The following FBLN2 variants were observed in gnomAD, a reference collection of about 807,000 sequenced individuals.
FBLN2 encodes fibulin 2, also known as fibulin-2.
In FBLN2, 81 loss-of-function variants were observed where a neutral mutation model predicts 123.7. The observed-to-expected ratio is 0.65, with a 90% CI of 0.55 to 0.79. The LOEUF (loss-of-function observed/expected upper bound fraction) is 0.79, where lower values mean the gene tolerates loss of function less well. Among genes scored for constraint, FBLN2 ranks in the 30% least tolerant of loss-of-function variants. FBLN2 has a pLI of 0.00. For missense variants in FBLN2, 1,603 were observed against 1,681.3 expected, an observed-to-expected ratio of 0.95 and a Z score of 0.81; for synonymous variants, 699 against 701.4, an observed-to-expected ratio of 1.00 and a Z score of 0.05.
chr3:13,563,162 G>T (rs1403110967), intron 1 of FBLN2, among the ~76,000 whole-genome samples: 1 of 152,176 alleles, frequency 6.6e-6, no homozygotes, highest in African/African-American at 2.4e-5. Flanking sequence ...ATAAATTAAG[G>T]GTAGATTTTT....
rs776129342 is a variant in FBLN2 at position 13,637,801 on chromosome 3, G to T, written c.3578G>T (p.Arg1193Leu). The T allele has an allele frequency of 1.9e-6, 3 of 1,613,842 alleles. No homozygotes were observed. The highest frequency in any genetic ancestry group is 3.3e-5 in the Admixed American group (2 of 60,022). Residue 1193 changes from arginine to leucine, a missense_variant, in exon 18 of 18, where the codon CGG (arginine) becomes CTG (leucine). Coordinates refer to ENST00000404922, the MANE Select transcript of FBLN2 (RefSeq NM_001004019.2). The part of the protein sequence containing the change: ...NAYTGVVYLQ[R>L]AVLEPRDFAL... Reference sequence around the variant, plus strand: ...TACACGGGTGTGGTCTACCTGCAGCGGGCCGTGCTGGAGCCCCGGGACTTT... The same window carrying T: ...TACACGGGTGTGGTCTACCTGCAGCTGGCCGTGCTGGAGCCCCGGGACTTT...
chr3:13,630,938 A>G, intron 15 of FBLN2, 123 bp downstream of exon 15: 1 of 747,938 alleles, frequency 1.3e-6, no homozygotes, highest in Non-Finnish European at 2.2e-6. Flanking sequence ...TCTGAGTTCA[A>G]GCCCCAGCCC....
rs150425143 is a variant in FBLN2, at chr3:13,622,819, G to A, written c.2296+904G>A. On this transcript the variant is annotated intron_variant, in intron 9 of 17. Transcript: ENST00000404922. ...ACGGAGATAGACCCAAAGTAGCTGG[G>A]ACTCAGGGCAGACGGTGGTAAATGC... Among the ~76,000 whole-genome samples the A allele has an allele frequency of 1.0e-3, 158 of 152,376 alleles. 2 individuals are homozygous for A. The Middle Eastern group carries it at 0.034, about 33-fold the overall frequency.
chr3:13,627,918 A>G lies in FBLN2; in HGVS notation c.2518A>G (p.Arg840Gly). The G allele has an allele frequency of 6.2e-7, 1 of 1,613,868 alleles. No individual in the cohort carries two copies. Among genetic ancestry groups the G allele is most frequent in the African/African-American group, 1.3e-5 (1 of 75,050 alleles). ...NTKGSFYCQA[R>G]QRCMDGFLQD... is the part of the protein sequence containing the mutation. ...CAAGGGCTCCTTCTACTGCCAGGCC[A>G]GGCAGCGCTGCATGGATGGCTTCCT... The change falls in exon 11 of 18, where the codon AGG (arginine) becomes GGG (glycine). Residue 840 changes from arginine (R) to glycine (G), a missense_variant. Coordinates refer to ENST00000404922, the MANE Select transcript of FBLN2 (RefSeq NM_001004019.2).
intron 2 of FBLN2, among the ~76,000 whole-genome samples, chr3:13,580,323 C>T (rs1177913122): frequency 6.6e-6 from 1 of 152,126 alleles, no homozygotes; most frequent in Non-Finnish European, 1.5e-5. Context: ...GGAGGGTGTA[C>T]TGGATTTTAC....
chr3:13,609,839 C>G (rs1052417463), intron 4 of FBLN2, among the ~76,000 whole-genome samples, 197 bp downstream of exon 4: 2 of 152,180 alleles, frequency 1.3e-5, no homozygotes, highest in African/African-American at 4.8e-5. Context: ...CCAATTAATT[C>G]ACAGAATATT....
Position 13,618,163 on chromosome 3 carries a change from A to T in FBLN2, c.1817A>T (p.Asp606Val). The T allele has an allele frequency of 3.1e-6, 5 of 1,613,756 alleles. No homozygotes were observed. Among genetic ancestry groups the T allele is most frequent in the Non-Finnish European group, 4.2e-6 (5 of 1,179,912 alleles). The change falls in exon 6 of 18, where the codon GAT becomes GTT. Residue 606 changes from aspartate to valine, a missense_variant. Transcript: ENST00000404922. ...LPNSLPGDDQ[D>V]ECLLLPGELC... ...AACAGCCTGCCGGGCGATGACCAGG[A>T]TGAGTGCCTTCTCCTCCCGGGAGAG...
At chr3:13,575,872 C>T (rs796742670) in intron 2 of FBLN2, among the ~76,000 whole-genome samples, 2 of 152,334 alleles carry the variant, frequency 1.3e-5, no homozygotes, top group African/African-American at 4.8e-5. Flanking sequence ...ACCACCAGGT[C>T]CCGCCTGTGA....
intron 16 of FBLN2, among the ~76,000 whole-genome samples, chr3:13,633,044 G>C (rs901770678): frequency 6.6e-6 from 1 of 152,212 alleles, no homozygotes; most frequent in Non-Finnish European, 1.5e-5. Flanking sequence ...TTTGCTCTTG[G>C]AGGAGTTTCA....
chr3:13,607,931 C>A, intron 2 of FBLN2, 131 bp from the exon 3 acceptor site: 1 of 659,950 alleles, frequency 1.5e-6, no homozygotes, highest in South Asian at 1.8e-5. Flanking sequence ...GAGCTGTTAG[C>A]GACCAGCATG....
At chr3:13,612,324 TTTC>T (rs1705426428) in intron 4 of FBLN2, among the ~76,000 whole-genome samples, 1 of 146,530 alleles carries the variant, frequency 6.8e-6, no homozygotes, top group Non-Finnish European at 1.5e-5. Flanking sequence ...TCTTTCTTTC[TTTC>T]TTTCTTTCTT....
intron 9 of FBLN2, among the ~76,000 whole-genome samples, chr3:13,624,569 G>T (rs1369616972): frequency 3.3e-5 from 5 of 152,206 alleles, no homozygotes; most frequent in Non-Finnish European, 7.3e-5. Flanking sequence ...CTGTGAGTTT[G>T]GGAGGGTCTC....
intron 1 of FBLN2, among the ~76,000 whole-genome samples, chr3:13,566,843 T>A (rs34548488): frequency 0.21 from 31,702 of 151,490 alleles, 3,514 homozygotes; most frequent in South Asian, 0.41. Flanking sequence ...AGAAACCCAC[T>A]GTGTGAGCCA....
At chr3:13,551,900 A>G (rs1425883214) in intron 1 of FBLN2, among the ~76,000 whole-genome samples, 1 of 146,162 alleles carries the variant, frequency 6.8e-6, no homozygotes, top group African/African-American at 2.6e-5. Context: ...GCTGGAGTGC[A>G]GTGGTGTGAT....
At chr3:13,578,713 T>G (rs1704225741) in intron 2 of FBLN2, among the ~76,000 whole-genome samples, 1 of 152,068 alleles carries the variant, frequency 6.6e-6, no homozygotes, top group Non-Finnish European at 1.5e-5. Flanking sequence ...TATCTAGGAG[T>G]GGCATTGCTG....
At position 13,611,742 on chromosome 3, in the gene FBLN2, A is replaced by G. The variant is rs538660241; in HGVS notation, c.1548+2100A>G. On this transcript the variant is annotated intron_variant, in intron 4 of 17. Transcript: ENST00000404922. Reference sequence around the variant, plus strand: ...TGCGAATAGTAATGCTGCTGTGAACATGAGCAGAAGAAGAGCTCCCTTTTT... The same window carrying G: ...TGCGAATAGTAATGCTGCTGTGAACGTGAGCAGAAGAAGAGCTCCCTTTTT... Among the ~76,000 whole-genome samples, 4 of 152,222 alleles carry G rather than the reference A, an allele frequency of 2.6e-5. No homozygotes were observed. The East Asian group carries it at 5.8e-4, about 22-fold the overall frequency.
Position 13,570,405 on chromosome 3 carries a change from C to G in FBLN2, c.50C>G (p.Ala17Gly), listed in dbSNP as rs1426531246. 1 of 1,577,864 alleles carries G rather than the reference C, an allele frequency of 6.3e-7. No homozygotes were observed. Among genetic ancestry groups the G allele is most frequent in the African/African-American group, 1.4e-5 (1 of 73,734 alleles). ...GGAGCCTGGCTTGCTCTGGGCCTGG[C>G]CCTGGCCCTGGGCCCCAGCGTGGCC... ...PAGAWLALGL[A>G]LALGPSVAAA... is the part of the protein sequence containing the mutation. Residue 17 changes from alanine (A) to glycine (G), a missense_variant, in exon 2 of 18, where the codon GCC (alanine) becomes GGC (glycine). Transcript: ENST00000404922.
intron 4 of FBLN2, chr3:13,613,753 C>T (rs1705480166): frequency 4.3e-6 from 2 of 467,494 alleles, no homozygotes; most frequent in South Asian, 4.5e-5. Flanking sequence ...GGTTATAGTT[C>T]CTTCAACTAA....
At chr3:13,618,052 C>T (rs370706297) in intron 5 of FBLN2, 24 bp from the exon 6 acceptor site, 2 of 1,610,492 alleles carry the variant, frequency 1.2e-6, no homozygotes, top group Non-Finnish European at 1.7e-6. Context: ...CTGGCTCTGT[C>T]TTGAGCTCTA....
Sources: allele counts gnomAD v4.1 joint callset (sites outside exome capture counted in the v4.1 genomes callset), GRCh38; gene constraint gnomAD v4.1.1; transcripts MANE v1.5; gene names NCBI Gene and HGNC (gene_info 2026-07-23, HGNC 2026-07-21).